ZNF536: variants seen among roughly 807,000 people sequenced by gnomAD.
The protein encoded by ZNF536 is zinc finger protein 536.
Under a neutral mutation model 84.5 loss-of-function variants are expected in ZNF536, and 13 were observed. The observed-to-expected ratio is 0.15, with a 90% CI of 0.10 to 0.24. The LOEUF is 0.24. Among genes scored for constraint, ZNF536 ranks in the 10% least tolerant of loss-of-function variants. The pLI, the probability that ZNF536 is intolerant of heterozygous loss-of-function variation, is 1.00. For missense variants in ZNF536, 1,536 were observed against 1,747.5 expected (o/e 0.88, Z 2.16); for synonymous variants, 811 against 742.5 (o/e 1.09, Z -1.50).
At chr19:30,329,606 A>G (rs2047144162) in intron 2 of ZNF536, among the ~76,000 whole-genome samples, 1 of 152,148 alleles carries the variant, frequency 6.6e-6, no homozygotes, top group African/African-American at 2.4e-5. Context: ...TCTTGTTGGA[A>G]CTATCTTTTG....
chr19:30,439,243 G>A (rs551164211), intron 1 of ZNF536, among the ~76,000 whole-genome samples: 2 of 152,194 alleles, frequency 1.3e-5, no homozygotes, highest in African/African-American at 4.8e-5. Flanking sequence ...ATTCAGCCTC[G>A]AAGGGACCTT....
At chr19:30,399,118 G>A (rs536585265) in intron 1 of ZNF536, among the ~76,000 whole-genome samples, 4 of 152,234 alleles carry the variant, frequency 2.6e-5, no homozygotes, top group South Asian at 4.1e-4. Flanking sequence ...TCTAACTGGC[G>A]TGAGATGGTA....
intron 2 of ZNF536, among the ~76,000 whole-genome samples, chr19:30,340,229 G>A (rs758794104): frequency 5.1e-4 from 77 of 152,158 alleles, no homozygotes; most frequent in Non-Finnish European, 8.8e-4. Flanking sequence ...GGGGAACACC[G>A]GCCAGGTAGC....
chr19:30,343,911 C>T (rs549774910), intron 2 of ZNF536, among the ~76,000 whole-genome samples: 2 of 152,166 alleles, frequency 1.3e-5, no homozygotes, highest in South Asian at 4.2e-4. Context: ...ATCCTGAAAG[C>T]GTCCCTGTTT....
chr19:30,549,162 G>A lies in ZNF536; in HGVS notation c.3543G>A (p.Glu1181=), dbSNP rs764110432. The A allele has an allele frequency of 3.1e-6, 5 of 1,614,068 alleles. No individual in the cohort carries two copies. Among genetic ancestry groups the A allele is most frequent in the Middle Eastern group, 1.6e-4 (1 of 6,062 alleles). ...DSSKGENNDE[E]DVETEPEMMT... is the part of the protein sequence containing the mutation. ...CCAAGGGGGAGAACAACGATGAAGA[G>A]GATGTTGAAACCGAACCGGAAATGA... The change falls in exon 4 of 5, where the codon GAG becomes GAA. Residue 1181 remains glutamate, a synonymous_variant. Coordinates refer to ENST00000355537, the MANE Select transcript of ZNF536 (RefSeq NM_014717.3).
At chr19:30,635,003 T>A (rs966566006) in intron 1 of ZNF536, among the ~76,000 whole-genome samples, 8 of 152,202 alleles carry the variant, frequency 5.3e-5, no homozygotes, top group Admixed American at 5.2e-4. Flanking sequence ...TAATTCTGGT[T>A]ACTGTACATA....
chr19:30,596,929 T>A (rs1267924115), intron 1 of ZNF536, among the ~76,000 whole-genome samples: 6 of 152,108 alleles, frequency 3.9e-5, no homozygotes, highest in Admixed American at 1.3e-4. Context: ...CTCCACCTGA[T>A]CTGACCTTTT....
chr19:30,694,563 A>G (rs1192116304), intron 1 of ZNF536, among the ~76,000 whole-genome samples: 2 of 152,248 alleles, frequency 1.3e-5, no homozygotes, highest in Admixed American at 6.5e-5. Context: ...CCAGCTCCCC[A>G]GCGGCTGCCT....
intron 2 of ZNF536, among the ~76,000 whole-genome samples, chr19:30,506,857 T>C (rs2055195074): frequency 1.3e-5 from 2 of 152,326 alleles, no homozygotes; most frequent in South Asian, 2.1e-4. Context: ...CAAAGATCCA[T>C]GTAAGGAAGG....
chr19:30,379,063 GCCGT>G (rs1480268832), intron 1 of ZNF536, among the ~76,000 whole-genome samples: 1 of 152,214 alleles, frequency 6.6e-6, no homozygotes, highest in Non-Finnish European at 1.5e-5. Context: ...TAACACATGT[GCCGT>G]CACCTTGAAA....
intron 1 of ZNF536, among the ~76,000 whole-genome samples, chr19:30,406,754 C>T (rs1176554284): frequency 6.6e-6 from 1 of 152,180 alleles, no homozygotes; most frequent in Non-Finnish European, 1.5e-5. Flanking sequence ...CTCCAGTGAA[C>T]AAGTTTTCTG....
intron 2 of ZNF536, among the ~76,000 whole-genome samples, chr19:30,322,829 A>C (rs2046901527): frequency 6.6e-6 from 1 of 151,750 alleles, no homozygotes; most frequent in African/African-American, 2.4e-5. Context: ...GTCCTGCCTC[A>C]TGGAGACCAC....
intron 2 of ZNF536, among the ~76,000 whole-genome samples, chr19:30,502,548 T>A (rs2054994702): frequency 6.6e-6 from 1 of 152,114 alleles, no homozygotes; most frequent in South Asian, 2.1e-4. Context: ...AGGGGGCTAA[T>A]GGGAGGGCGT....
intron 1 of ZNF536, among the ~76,000 whole-genome samples, chr19:30,243,515 G>A (rs893045649): frequency 6.6e-6 from 1 of 152,096 alleles, no homozygotes; most frequent in African/African-American, 2.4e-5. Flanking sequence ...CCATGTGATT[G>A]TTCTATATTA....
At chr19:30,246,027 G>A (rs1385485338) in intron 1 of ZNF536, among the ~76,000 whole-genome samples, 1 of 152,170 alleles carries the variant, frequency 6.6e-6, no homozygotes, top group South Asian at 2.1e-4. Context: ...TGGGTCCCTG[G>A]GCAGAGGCGT....
chr19:30,489,003 A>G lies in ZNF536; in HGVS notation c.2170+43271A>G, dbSNP rs1442493465. ...GGTTTCTTGACAAATAGATCATGGA[A>G]AATCAGGACGTTATATACTGGCCTG... On this transcript the variant is annotated intron_variant, in intron 2 of 4. Transcript: ENST00000355537. Among the ~76,000 whole-genome samples the G allele has an allele frequency of 2.0e-5, 3 of 152,174 alleles. No individual in the cohort carries two copies. The East Asian group carries it at 5.8e-4, about 29-fold the overall frequency.
intron 2 of ZNF536, among the ~76,000 whole-genome samples, chr19:30,466,903 C>T (rs1165016265): frequency 4.6e-5 from 7 of 152,164 alleles, no homozygotes; most frequent in South Asian, 2.1e-4. Context: ...TGCAGTGGCA[C>T]GATCTCGGCT....
chr19:30,481,404 A>C (rs890304363), intron 2 of ZNF536, among the ~76,000 whole-genome samples: 1 of 152,200 alleles, frequency 6.6e-6, no homozygotes, highest in Non-Finnish European at 1.5e-5. Flanking sequence ...CACAGTCGGC[A>C]TTATGACACG....
chr19:30,373,947 C>T (rs1257721420), intron 1 of ZNF536, among the ~76,000 whole-genome samples: 1 of 152,230 alleles, frequency 6.6e-6, no homozygotes, highest in East Asian at 1.9e-4. Context: ...CCACCCGCCG[C>T]CCGCCTGTTT....
Sources: gnomAD v4.1 joint callset for allele counts (sites outside exome capture counted in the v4.1 genomes callset) on GRCh38, gnomAD v4.1.1 for gene constraint, MANE v1.5 for transcripts, NCBI Gene and HGNC (gene_info 2026-07-23, HGNC 2026-07-21) for gene names.